The following RYR3 variants were observed in gnomAD, a reference collection of about 807,000 sequenced individuals.
The protein encoded by RYR3 is brain ryanodine receptor-calcium release channel.
In RYR3, 207 loss-of-function variants were observed where a neutral mutation model predicts 584.3. The observed-to-expected ratio is 0.35, with a 90% CI of 0.32 to 0.40. The LOEUF (loss-of-function observed/expected upper bound fraction) is 0.40, where lower values mean the gene tolerates loss of function less well. Among genes scored for constraint, RYR3 ranks in the 10% least tolerant of loss-of-function variants. RYR3 has a pLI of 1.00. For synonymous variants in RYR3, 2,416 were observed against 2,248.5 expected, an observed-to-expected ratio of 1.07 and a Z score of -2.11; for missense variants, 5,616 against 6,089.2, an observed-to-expected ratio of 0.92 and a Z score of 2.59.
intron 1 of RYR3, among the ~76,000 whole-genome samples, chr15:33,445,163 A>G (rs916223883): frequency 6.6e-6 from 1 of 152,186 alleles, no homozygotes; most frequent in Non-Finnish European, 1.5e-5. Flanking sequence ...AGGTGAGTTG[A>G]TAAGCCACTG....
At chr15:33,769,547 T>C (rs974472603) in intron 62 of RYR3, among the ~76,000 whole-genome samples, 2 of 152,222 alleles carry the variant, frequency 1.3e-5, no homozygotes, top group Non-Finnish European at 2.9e-5. Context: ...CACAGAGATC[T>C]GGCTTCAAAA....
At chr15:33,374,327 G>C (rs371379768) in intron 1 of RYR3, among the ~76,000 whole-genome samples, 17 of 151,360 alleles carry the variant, frequency 1.1e-4, no homozygotes, top group Admixed American at 2.0e-4. Context: ...TTGTCTCCTT[G>C]CTCTGTGTGT....
At chr15:33,836,845 A>G (rs994478799) in intron 87 of RYR3, 61 bp from the exon 88 acceptor site, 57 of 1,360,496 alleles carry the variant, frequency 4.2e-5, no homozygotes, top group Non-Finnish European at 5.5e-5. Context: ...CTTCTCGCTC[A>G]CTGCCCTGTA....
chr15:33,483,800 T>G (rs533201979), intron 2 of RYR3, among the ~76,000 whole-genome samples: 1 of 152,352 alleles, frequency 6.6e-6, no homozygotes, highest in African/African-American at 2.4e-5. Flanking sequence ...GTGGTTTCCT[T>G]GTTCCTAACA....
chr15:33,622,253 G>A (rs941508456), intron 19 of RYR3, among the ~76,000 whole-genome samples: 4 of 152,038 alleles, frequency 2.6e-5, no homozygotes, highest in Admixed American at 6.6e-5. Context: ...CCTACCACTC[G>A]GGCTCATGGT....
intron 81 of RYR3, among the ~76,000 whole-genome samples, chr15:33,824,253 A>G (rs908941473): frequency 3.3e-5 from 5 of 152,194 alleles, no homozygotes; most frequent in African/African-American, 1.2e-4. Flanking sequence ...GCTTGGAGAG[A>G]CAGGTGATAT....
chr15:33,616,269 C>T (rs1471834262), intron 19 of RYR3, among the ~76,000 whole-genome samples: 3 of 152,186 alleles, frequency 2.0e-5, no homozygotes, highest in Non-Finnish European at 2.9e-5. Flanking sequence ...AATGGTACAT[C>T]TGCTCTCAAA....
intron 1 of RYR3, chr15:33,467,612 A>G (rs1468483954): frequency 3.5e-5 from 10 of 287,116 alleles, no homozygotes; most frequent in Non-Finnish European, 5.2e-5. Flanking sequence ...TGACAATGTG[A>G]AATCTAAGCA....
chr15:33,312,193 C>A (rs571759823), intron 1 of RYR3, among the ~76,000 whole-genome samples: 1 of 152,284 alleles, frequency 6.6e-6, no homozygotes, highest in Admixed American at 6.5e-5. Context: ...GAAATTCTTT[C>A]TTTCCCTCTC....
intron 12 of RYR3, among the ~76,000 whole-genome samples, chr15:33,575,083 C>T (rs1165105391): frequency 1.3e-5 from 2 of 152,124 alleles, no homozygotes; most frequent in Admixed American, 1.3e-4. Flanking sequence ...AGCTAACTAT[C>T]CTAAATATAT....
chr15:33,451,432 T>G (rs1207044902), intron 1 of RYR3, among the ~76,000 whole-genome samples: 1 of 151,860 alleles, frequency 6.6e-6, no homozygotes, highest in Non-Finnish European at 1.5e-5. Flanking sequence ...TTATAAATTG[T>G]CAAGATTGTC....
At chr15:33,320,428 A>AAGG (rs1968812137) in intron 1 of RYR3, among the ~76,000 whole-genome samples, 1 of 152,190 alleles carries the variant, frequency 6.6e-6, no homozygotes, top group African/African-American at 2.4e-5. Flanking sequence ...TTGACCAATT[A>AAGG]CTCTCCACCC....
At chr15:33,674,753 A>C (rs535258895) in intron 38 of RYR3, among the ~76,000 whole-genome samples, 1 of 151,218 alleles carries the variant, frequency 6.6e-6, no homozygotes, top group East Asian at 1.9e-4. Flanking sequence ...AAGAATGTAG[A>C]TGGATGGATA....
At position 33,713,657 on chromosome 15, in the gene RYR3, G is replaced by A. The variant is rs1424310059; in HGVS notation, c.6619+6603G>A. Among the ~76,000 whole-genome samples the A allele has an allele frequency of 2.6e-5, 4 of 152,166 alleles. No homozygotes were observed. In the East Asian group the frequency reaches 7.7e-4, roughly 29 times the overall value. ...GGAAGCATCTTAGTCTGTTCAGGCT[G>A]CCATAACAAAATACCATAGACAAGG... On this transcript the variant is annotated intron_variant, in intron 43 of 103. Coordinates refer to ENST00000634891, the MANE Select transcript of RYR3 (RefSeq NM_001036.6).
chr15:33,819,940 T>C, intron 77 of RYR3, 133 bp downstream of exon 77: 1 of 581,250 alleles, frequency 1.7e-6, no homozygotes, highest in Admixed American at 2.6e-5. Flanking sequence ...CATTGCACAA[T>C]TCATGTGCCA....
At chr15:33,597,564 T>C (rs1567626725) in intron 16 of RYR3, among the ~76,000 whole-genome samples, 1 of 150,238 alleles carries the variant, frequency 6.7e-6, no homozygotes, top group South Asian at 2.1e-4. Flanking sequence ...TGAGCCAAGA[T>C]TGCACCACTG....
chr15:33,725,795 T>A (rs1436366265), intron 45 of RYR3, among the ~76,000 whole-genome samples: 9 of 130,486 alleles, frequency 6.9e-5, no homozygotes, highest in Admixed American at 1.6e-4. Context: ...CCGTCTCTAC[T>A]AAAAAAAAAA....
Position 33,566,677 on chromosome 15 carries a change from G to C in RYR3, c.1147-1G>C, listed in dbSNP as rs1330605462. On this transcript the variant is annotated splice_acceptor_variant, in intron 11 of 103. Coordinates refer to ENST00000634891, the MANE Select transcript of RYR3 (RefSeq NM_001036.6). LOFTEE classifies it high-confidence loss of function. ...GCTCCCGTCCCTTGCCCTGTGGGTA[G>C]GTCATACTCCATCAGGAAGGCCACA... 1 of 1,613,664 alleles carries C rather than the reference G, an allele frequency of 6.2e-7. No homozygotes were observed. Among genetic ancestry groups the C allele is most frequent in the Non-Finnish European group, 8.5e-7 (1 of 1,179,626 alleles).
intron 1 of RYR3, among the ~76,000 whole-genome samples, chr15:33,384,621 A>ACG (rs2041457186): frequency 6.7e-6 from 1 of 149,752 alleles, no homozygotes; most frequent in Non-Finnish European, 1.5e-5. Flanking sequence ...ACACACACAC[A>ACG]CGTTGTGGAA....
Sources: allele counts gnomAD v4.1 joint callset (sites outside exome capture counted in the v4.1 genomes callset), GRCh38; gene constraint gnomAD v4.1.1; transcripts MANE v1.5; gene names NCBI Gene and HGNC (gene_info 2026-07-23, HGNC 2026-07-21).